The following IL1RAPL1 variants were observed in gnomAD, a reference collection of about 807,000 sequenced individuals.
The protein encoded by IL1RAPL1 is interleukin-1 receptor accessory protein-like 1.
Under a neutral mutation model 48.4 loss-of-function variants are expected in IL1RAPL1, and 3 were observed. The observed-to-expected ratio is 0.06, with a 90% CI of 0.03 to 0.16. IL1RAPL1 has a LOEUF of 0.16. Ranked by LOEUF, IL1RAPL1 falls within the 10% of genes least tolerant of loss-of-function variation. The pLI is 1.00. For missense variants in IL1RAPL1, 349 were observed against 530.6 expected, an observed-to-expected ratio of 0.66 and a Z score of 3.36; for synonymous variants, 185 against 187.7, an observed-to-expected ratio of 0.99 and a Z score of 0.12.
chrX:28,946,241 C>T (rs1215477884), intron 2 of IL1RAPL1, among the ~76,000 whole-genome samples: 3 of 110,315 alleles, frequency 2.7e-5, no homozygotes, highest in African/African-American at 9.9e-5. Context: ...CACAGTCATT[C>T]GGTTATCTTT....
At chrX:29,872,985 A>G (rs928112756) in intron 6 of IL1RAPL1, among the ~76,000 whole-genome samples, 1 of 112,319 alleles carries the variant, frequency 8.9e-6, no homozygotes, top group Non-Finnish European at 1.9e-5. Context: ...ATTAAAACAG[A>G]TAACAACAAA....
At chrX:28,863,615 C>A (rs929028576) in intron 2 of IL1RAPL1, among the ~76,000 whole-genome samples, 1 of 110,964 alleles carries the variant, frequency 9.0e-6, no homozygotes, top group African/African-American at 3.3e-5. Flanking sequence ...CACATCTAAA[C>A]CATTTATAAG....
In IL1RAPL1 at chrX:29,920,076, G is replaced by T. The variant is rs200419221; in HGVS notation, c.1039G>T (p.Val347Phe). Reference protein sequence around the residue: ...ENGNGRRHASVLLHKRELMYT... With the variant: ...ENGNGRRHASFLLHKRELMYT... ...TGGAAATGGACGTCGACACGCCAGC[G>T]TTCTCCTTCATAAACGAGGTGAGTG... The change falls in exon 8 of 11, where the codon GTT becomes TTT. Residue 347 changes from valine to phenylalanine, a missense_variant. By Grantham distance (50) the Val-to-Phe change is conservative. This residue lies in a region of IL1RAPL1 where 238 missense variants were observed against 337.8 expected (regional missense o/e 0.70). Transcript: ENST00000378993. The T allele has an allele frequency of 3.3e-6, 4 of 1,209,942 alleles. No homozygotes were observed. Among genetic ancestry groups the T allele is most frequent in the Non-Finnish European group, 4.5e-6 (4 of 895,090 alleles).
chrX:29,464,910 G>T (rs1271273508), intron 5 of IL1RAPL1, among the ~76,000 whole-genome samples: 5 of 111,098 alleles, frequency 4.5e-5, no homozygotes, highest in Admixed American at 3.8e-4. Flanking sequence ...AAGGGAACAA[G>T]GGCCTACTTT....
chrX:29,389,126 G>A (rs1188973059), intron 3 of IL1RAPL1, among the ~76,000 whole-genome samples: 1 of 110,805 alleles, frequency 9.0e-6, no homozygotes, highest in Non-Finnish European at 1.9e-5. Flanking sequence ...GGAGGCCGAG[G>A]CAGGTGGATC....
chrX:29,677,856 C>G (rs1926329710), intron 6 of IL1RAPL1, among the ~76,000 whole-genome samples: 1 of 111,833 alleles, frequency 8.9e-6, no homozygotes, highest in Admixed American at 9.5e-5. Flanking sequence ...TATCTCATGT[C>G]CAATTATGAC....
chrX:29,244,696 C>T (rs1013549864), intron 2 of IL1RAPL1, among the ~76,000 whole-genome samples: 3 of 112,410 alleles, frequency 2.7e-5, no homozygotes, highest in Non-Finnish European at 5.6e-5. Context: ...TTATTCACTG[C>T]ATGTATGCAA....
intron 8 of IL1RAPL1, among the ~76,000 whole-genome samples, chrX:29,931,125 T>C (rs892627037): frequency 7.2e-5 from 8 of 110,717 alleles, no homozygotes; most frequent in African/African-American, 2.6e-4. Context: ...TATTGGTAGC[T>C]CCCAAAACAT....
intron 2 of IL1RAPL1, among the ~76,000 whole-genome samples, chrX:28,939,174 A>G (rs1159159197): frequency 1.8e-5 from 2 of 111,055 alleles, no homozygotes; most frequent in Non-Finnish European, 3.8e-5. Flanking sequence ...CAGCAATTCC[A>G]TTACTGGGTA....
At chrX:29,387,922 G>C (rs1417743865) in intron 3 of IL1RAPL1, among the ~76,000 whole-genome samples, 2 of 108,424 alleles carry the variant, frequency 1.8e-5, no homozygotes, top group East Asian at 5.8e-4. Flanking sequence ...GAACGTAGGA[G>C]GTGAAGTTTG....
intron 1 of IL1RAPL1, among the ~76,000 whole-genome samples, chrX:28,725,578 A>G (rs920627110): frequency 3.2e-4 from 36 of 111,872 alleles, no homozygotes; most frequent in African/African-American, 1.1e-3. Context: ...GTTTTCACCA[A>G]CCCAGAAGTT....
intron 1 of IL1RAPL1, among the ~76,000 whole-genome samples, chrX:28,766,447 G>A (rs769611908): frequency 1.8e-5 from 2 of 110,981 alleles, no homozygotes; most frequent in South Asian, 7.8e-4. Flanking sequence ...GGGGATATAT[G>A]AGATGTTCTG....
chrX:29,489,371 C>T (rs1022500022), intron 5 of IL1RAPL1, among the ~76,000 whole-genome samples: 4 of 111,454 alleles, frequency 3.6e-5, no homozygotes, highest in African/African-American at 6.5e-5. Context: ...AAAGGAGAAA[C>T]GGAATACAAG....
rs1182352727 is a variant in IL1RAPL1, at chrX:29,741,935, G to GAAAAAAAAAAAAA, written c.778+73439_778+73451dup. 2.3e-4 allele frequency among the ~76,000 whole-genome samples: 14 copies of GAAAAAAAAAAAAA among 61,836 alleles called. 1 individual carries two copies. The highest frequency in any genetic ancestry group is 9.4e-4 in the South Asian group (1 of 1,064). The allele number at this position is 61,836 out of a possible 115,157, so 53.7% of individuals were successfully genotyped here. A position where few individuals can be genotyped will look rare whatever the true frequency, so the allele number is the denominator to read the frequency against. On this transcript the variant is annotated intron_variant, in intron 6 of 10. Transcript: ENST00000378993. Reference sequence around the variant, plus strand: ...GCGAGACTCCGTCAAAAAAAAAAAAGAAAAAAAAAAAAAAAAAAAAGAAAA... The same window carrying GAAAAAAAAAAAAA: ...GCGAGACTCCGTCAAAAAAAAAAAAGAAAAAAAAAAAAAAAAAAAAAAAAAAAAAAAAAGAAAA...
intron 1 of IL1RAPL1, among the ~76,000 whole-genome samples, chrX:28,610,360 A>G (rs1450859736): frequency 1.8e-5 from 2 of 111,913 alleles, no homozygotes; most frequent in Non-Finnish European, 3.8e-5. Flanking sequence ...AGACTGGCCA[A>G]TTTCCAGCAT....
At chrX:29,305,515 A>G (rs1393194080) in intron 3 of IL1RAPL1, among the ~76,000 whole-genome samples, 2 of 111,897 alleles carry the variant, frequency 1.8e-5, no homozygotes, top group African/African-American at 6.5e-5. Flanking sequence ...ATGAAAATGC[A>G]CAAGAGGGCA....
chrX:28,981,947 A>G (rs889719141), intron 2 of IL1RAPL1, among the ~76,000 whole-genome samples: 4 of 111,299 alleles, frequency 3.6e-5, no homozygotes, highest in African/African-American at 1.3e-4. Context: ...GTTTGCATCT[A>G]CCTCCTGTCC....
chrX:29,787,247 T>C (rs1259582908), intron 6 of IL1RAPL1, among the ~76,000 whole-genome samples: 1 of 110,326 alleles, frequency 9.1e-6, no homozygotes, highest in Non-Finnish European at 1.9e-5. Context: ...TGGTGGGAAA[T>C]GGAGGATGAG....
At position 29,893,359 on chromosome X, in the gene IL1RAPL1, G is replaced by A. The variant is rs141758111; in HGVS notation, c.779-24105G>A. 6.3e-5 allele frequency among the ~76,000 whole-genome samples: 7 copies of A among 111,481 alleles called. No homozygotes were observed. In the East Asian group the frequency reaches 2.0e-3, roughly 31 times the overall value. ...CCTAAATTCGAGCCACCGCATTTAT[G>A]TTTTAGAATAGCGATTGCAAATTGT... On this transcript the variant is annotated intron_variant, in intron 6 of 10. Coordinates refer to ENST00000378993, the MANE Select transcript of IL1RAPL1 (RefSeq NM_014271.4).
Sources: allele counts gnomAD v4.1 joint callset (sites outside exome capture counted in the v4.1 genomes callset), GRCh38; gene constraint gnomAD v4.1.1; regional missense constraint gnomAD v4.1.1; transcripts MANE v1.5; gene names NCBI Gene and HGNC (gene_info 2026-07-23, HGNC 2026-07-21).